AXDND1: variants seen among roughly 807,000 people sequenced by gnomAD.
AXDND1 encodes the protein axonemal dynein light chain domain-containing protein 1.
Under a neutral mutation model 137.5 loss-of-function variants are expected in AXDND1, and 110 were observed. The ratio of observed to expected loss-of-function variants is 0.80; its 90% CI spans 0.69 to 0.94. The LOEUF is 0.94. AXDND1 is among the 40% of genes least tolerant of loss of function. AXDND1 has a pLI of 0.00. For missense variants in AXDND1, 1,191 were observed against 1,169.8 expected, an observed-to-expected ratio of 1.02 and a Z score of -0.26; for synonymous variants, 414 against 399.7, an observed-to-expected ratio of 1.04 and a Z score of -0.43.
intron 12 of AXDND1, among the ~76,000 whole-genome samples, chr1:179,421,679 G>T (rs1655759066): frequency 6.6e-6 from 1 of 151,494 alleles, no homozygotes; most frequent in Non-Finnish European, 1.5e-5. Context: ...ACCATGCCTG[G>T]ACCTTTATCT....
intron 15 of AXDND1, among the ~76,000 whole-genome samples, chr1:179,435,885 A>G (rs981363422): frequency 3.3e-5 from 5 of 151,794 alleles, no homozygotes; most frequent in African/African-American, 1.2e-4. Flanking sequence ...ATAAACTATC[A>G]TCAGAGTGAA....
At chr1:179,421,397 G>A (rs1258582826) in intron 12 of AXDND1, among the ~76,000 whole-genome samples, 1 of 43,990 alleles carries the variant, frequency 2.3e-5, no homozygotes, top group African/African-American at 1.3e-4. Flanking sequence ...TTTTTTTTTT[G>A]AGACAGAGTC....
intron 15 of AXDND1, among the ~76,000 whole-genome samples, chr1:179,444,214 C>G (rs1400632668): frequency 6.6e-6 from 1 of 152,102 alleles, no homozygotes; most frequent in African/African-American, 2.4e-5. Flanking sequence ...TATTATCTTA[C>G]TTACTCTTCA....
chr1:179,366,905 G>A (rs951032967), intron 2 of AXDND1, among the ~76,000 whole-genome samples: 1 of 151,986 alleles, frequency 6.6e-6, no homozygotes, highest in Admixed American at 6.6e-5. Context: ...CCTGGTCTTT[G>A]GCTTTAAGGA....
intron 20 of AXDND1, among the ~76,000 whole-genome samples, chr1:179,503,385 T>C (rs961347115): frequency 6.6e-6 from 1 of 152,116 alleles, no homozygotes; most frequent in Middle Eastern, 3.4e-3. Context: ...TTTAAATCTC[T>C]AGGAGATGGA....
intron 16 of AXDND1, chr1:179,450,403 T>G (rs1339241847): frequency 6.6e-6 from 1 of 152,220 alleles, no homozygotes; most frequent in Non-Finnish European, 1.5e-5. Flanking sequence ...TATTCTTGTC[T>G]TATTCTTGTC....
At chr1:179,521,625 A>G (rs1197439628) in intron 21 of AXDND1, among the ~76,000 whole-genome samples, 1 of 152,132 alleles carries the variant, frequency 6.6e-6, no homozygotes, top group Non-Finnish European at 1.5e-5. Context: ...TCTTTCTTCA[A>G]AAGTCTCAGA....
At chr1:179,367,110 TACTCTGGAGGCTGAGGCAAGAGAATC>T (rs943747227) in intron 2 of AXDND1, among the ~76,000 whole-genome samples, 2 of 150,936 alleles carry the variant, frequency 1.3e-5, no homozygotes, top group African/African-American at 4.9e-5. Flanking sequence ...AGTCCCAGCT[TACTCTGGAGGCTGAGGCAAGAGAATC>T]GCTTGAACCC....
intron 20 of AXDND1, among the ~76,000 whole-genome samples, chr1:179,500,618 C>T (rs1667903216): frequency 6.6e-6 from 1 of 152,084 alleles, no homozygotes; most frequent in Non-Finnish European, 1.5e-5. Flanking sequence ...TGCTATGTAG[C>T]GATCCTGTCC....
intron 12 of AXDND1, among the ~76,000 whole-genome samples, chr1:179,423,791 A>T (rs1473010821): frequency 3.9e-5 from 6 of 152,234 alleles, no homozygotes; most frequent in Admixed American, 6.5e-5. Context: ...ATTTGTATAT[A>T]TTAACCATCT....
intron 25 of AXDND1, among the ~76,000 whole-genome samples, chr1:179,540,651 C>A (rs1278792838): frequency 6.6e-6 from 1 of 152,178 alleles, no homozygotes; most frequent in Non-Finnish European, 1.5e-5. Context: ...AGGTATCTCC[C>A]AGTCAGGCTA....
chr1:179,388,013 T>C (rs948562444), intron 9 of AXDND1, among the ~76,000 whole-genome samples: 2 of 152,204 alleles, frequency 1.3e-5, no homozygotes, highest in Non-Finnish European at 2.9e-5. Context: ...CTCTAGACTG[T>C]TAACTCTGTC....
At chr1:179,375,855 C>G (rs1439408483) in intron 4 of AXDND1, among the ~76,000 whole-genome samples, 1 of 152,090 alleles carries the variant, frequency 6.6e-6, no homozygotes, top group Non-Finnish European at 1.5e-5. Flanking sequence ...CCAAGAGAAC[C>G]AGAATATCAC....
intron 20 of AXDND1, 83 bp from the exon 21 acceptor site, chr1:179,509,213 G>T (rs1231816054): frequency 3.7e-6 from 3 of 811,598 alleles, no homozygotes; most frequent in Non-Finnish European, 6.0e-6. Context: ...ATGTTTAGAG[G>T]AATTGTATTT....
intron 21 of AXDND1, among the ~76,000 whole-genome samples, chr1:179,510,129 T>C (rs986247026): frequency 2.0e-5 from 3 of 152,222 alleles, no homozygotes; most frequent in African/African-American, 7.2e-5. Context: ...AGTTTCACCC[T>C]TTTCTGCCTC....
intron 18 of AXDND1, among the ~76,000 whole-genome samples, chr1:179,491,117 A>G (rs1030294091): frequency 6.6e-6 from 1 of 152,204 alleles, no homozygotes; most frequent in African/African-American, 2.4e-5. Flanking sequence ...TCATCCCAGC[A>G]GTTCAAGTTC....
At chr1:179,486,041 C>T (rs563791756) in intron 18 of AXDND1, among the ~76,000 whole-genome samples, 7 of 146,140 alleles carry the variant, frequency 4.8e-5, no homozygotes, top group African/African-American at 1.0e-4. Context: ...ATCACTTGAA[C>T]TTGGGAGGCG....
At chr1:179,496,997 A>G (rs1257855317) in intron 20 of AXDND1, among the ~76,000 whole-genome samples, 2 of 152,014 alleles carry the variant, frequency 1.3e-5, no homozygotes. Flanking sequence ...ATATTTGAGT[A>G]TTTTCCAGAG....
intron 8 of AXDND1, among the ~76,000 whole-genome samples, chr1:179,384,767 A>AT (rs549019209): frequency 0.012 from 1,702 of 141,192 alleles, 25 homozygotes; most frequent in African/African-American, 0.031. Flanking sequence ...AGAGGCACCA[A>AT]TTTTTTTTTT....
Sources: gnomAD v4.1 joint callset for allele counts (sites outside exome capture counted in the v4.1 genomes callset) on GRCh38, gnomAD v4.1.1 for gene constraint, MANE v1.5 for transcripts, NCBI Gene and HGNC (gene_info 2026-07-23, HGNC 2026-07-21) for gene names.